TMPRSS9: variants seen among roughly 807,000 people sequenced by gnomAD.
TMPRSS9 encodes the protein transmembrane serine protease 9, also known as transmembrane protease serine 9.
A neutral mutation model predicts 111.4 loss-of-function variants in TMPRSS9; 113 were observed. That is an observed-to-expected ratio of 1.01 (90% confidence interval 0.87 to 1.19). The LOEUF is 1.19. Ranked by LOEUF, TMPRSS9 falls within the 50% of genes most tolerant of loss-of-function variation. TMPRSS9 has a pLI of 0.00. For synonymous variants in TMPRSS9, 805 were observed against 659.1 expected, an observed-to-expected ratio of 1.22 and a Z score of -3.39; for missense variants, 1,803 against 1,513.1, an observed-to-expected ratio of 1.19 and a Z score of -3.18.
At chr19:2,384,866 C>T (rs1970443112), upstream of TMPRSS9, among the ~76,000 whole-genome samples, 1 of 149,390 alleles carries the variant, frequency 6.7e-6, no homozygotes, top group East Asian at 2.0e-4. Context: ...CCTGTAATCC[C>T]AGCTACTCGG....
upstream of TMPRSS9, chr19:2,389,662 C>T (rs1268781318): frequency 1.6e-6 from 2 of 1,239,208 alleles, no homozygotes; most frequent in Non-Finnish European, 2.2e-6. Context: ...GCCACCGCGC[C>T]CCGCCGTTTT....
exon 18 of TMPRSS9, chr19:2,426,033 T>A (rs770372432): frequency 1.2e-6 from 2 of 1,608,982 alleles, no homozygotes; most frequent in Non-Finnish European, 1.7e-6. Context: ...TTCCCAGGTG[T>A]CTATACCCGG....
chr19:2,416,888 T>C, intron 12 of TMPRSS9, 79 bp downstream of exon 13: 1 of 1,482,852 alleles, frequency 6.7e-7, no homozygotes, highest in Non-Finnish European at 9.0e-7. Context: ...TGGGCATCTC[T>C]TACCTGGACC....
exon 6 of TMPRSS9, chr19:2,403,176 G>T (rs1230930151): frequency 5.0e-6 from 8 of 1,610,028 alleles, no homozygotes; most frequent in Non-Finnish European, 6.8e-6. Flanking sequence ...GCTCCGATGG[G>T]TCCGACGAGG....
intron 14 of TMPRSS9, among the ~76,000 whole-genome samples, chr19:2,422,513 G>A (rs1245234306): frequency 6.6e-6 from 1 of 152,186 alleles, no homozygotes; most frequent in Non-Finnish European, 1.5e-5. Flanking sequence ...GCCGGGAGGC[G>A]GAGCTTGCAG....
At chr19:2,403,809 C>T (rs187426050) in intron 6 of TMPRSS9, among the ~76,000 whole-genome samples, 21 of 151,796 alleles carry the variant, frequency 1.4e-4, no homozygotes, top group East Asian at 7.8e-4. Flanking sequence ...GTGGCTAACA[C>T]GGTGAAACCC....
At chr19:2,416,264 A>G in intron 11 of TMPRSS9, 1 of 502,848 alleles carries the variant, frequency 2.0e-6, no homozygotes, top group South Asian at 3.1e-5. Context: ...ATAAAGCTGT[A>G]GGGGGTTGGG....
chr19:2,405,430 G>T (rs760806253), exon 7 of TMPRSS9: 3 of 1,607,804 alleles, frequency 1.9e-6, no homozygotes, highest in African/African-American at 2.7e-5. Context: ...CGGCATGGAA[G>T]CATCCCCGGG....
intron 8 of TMPRSS9, 47 bp downstream of exon 9, chr19:2,408,677 G>A (rs1202797895): frequency 1.3e-6 from 2 of 1,577,034 alleles, no homozygotes; most frequent in Admixed American, 3.4e-5. Flanking sequence ...AGGCAGGCGG[G>A]CAAATAACGC....
Position 2,410,368 on chromosome 19 carries a change from C to G in TMPRSS9, c.1228C>G (p.Leu410Val), listed in dbSNP as rs770704023. Residue 410 changes from leucine (L) to valine (V), a missense_variant, in exon 9 of 18, where the codon CTG becomes GTG. Leu to Val is a conservative substitution (Grantham distance 32, BLOSUM62 1). Transcript: ENST00000648592. ...TGACAGGATGGTGTGCGCTGGCTAC[C>G]TGGACGGGAAGGTGGACTCCTGCCA... 10 of 1,614,020 alleles carry G rather than the reference C, an allele frequency of 6.2e-6. No individual in the cohort carries two copies. The South Asian group carries it at 9.9e-5, about 16-fold the overall frequency.
intron 1 of TMPRSS9, among the ~76,000 whole-genome samples, chr19:2,362,742 G>A (rs1970210910): frequency 6.6e-6 from 1 of 152,110 alleles, no homozygotes; most frequent in South Asian, 2.1e-4. Context: ...ACGTGGTTGT[G>A]TGTGTACTTG....
chr19:2,425,846 A>T (rs956406196), intron 17 of TMPRSS9, 81 bp from the exon 19 acceptor site: 2 of 1,470,184 alleles, frequency 1.4e-6, no homozygotes, highest in African/African-American at 2.9e-5. Context: ...CACTAGGGTC[A>T]CTCCTAGAGG....
At chr19:2,408,725 CCAGCA>C in intron 8 of TMPRSS9, 95 bp downstream of exon 9, 1 of 1,494,894 alleles carries the variant, frequency 6.7e-7, no homozygotes, top group Admixed American at 1.9e-5. Context: ...GCCTGTCATC[CCAGCA>C]CTTTGGGAGG....
upstream of TMPRSS9, among the ~76,000 whole-genome samples, chr19:2,385,215 T>TCG (rs1233797692): frequency 4.1e-5 from 3 of 73,814 alleles, no homozygotes; most frequent in South Asian, 4.8e-4. Context: ...GGGGCGGGGC[T>TCG]CGAGGGGGCG....
chr19:2,418,316 TCCC>T (rs1330544686), intron 13 of TMPRSS9, among the ~76,000 whole-genome samples, 178 bp downstream of exon 14: 3 of 23,918 alleles, frequency 1.3e-4, no homozygotes, highest in African/African-American at 9.0e-4. Context: ...TTTCCCTCCC[TCCC>T]TCCCTCCCTC....
intron 14 of TMPRSS9, among the ~76,000 whole-genome samples, chr19:2,422,537 A>G (rs1459490256): frequency 6.6e-6 from 1 of 152,158 alleles, no homozygotes; most frequent in Non-Finnish European, 1.5e-5. Context: ...GCTGCATGCC[A>G]CTGCACTCCA....
In TMPRSS9 at chr19:2,424,247, TGCTTCGACGTGTGAGTTCCAAAC is replaced by T; in HGVS notation, c.2711_2717+16del. On this transcript the variant is annotated splice_donor_variant and splice_donor_5th_base_variant and coding_sequence_variant and intron_variant, in exon 15 of 18. Transcript: ENST00000648592. LOFTEE classifies it high-confidence loss of function. ...GAGGTGGCTGCTGTCGGCGGCGCAC[TGCTTCGACGTGTGAGTTCCAAAC>T]GCTCCAAATGCCCCTACATGTCTCT... 7.2e-7 allele frequency: 1 copy of T among 1,387,982 alleles called. No individual in the cohort carries two copies. The allele number at this position is 1,387,982 out of a possible 1,614,324, so 86.0% of individuals were successfully genotyped here.
At chr19:2,387,978 A>T (rs1045545033), upstream of TMPRSS9, among the ~76,000 whole-genome samples, 1 of 152,198 alleles carries the variant, frequency 6.6e-6, no homozygotes, top group African/African-American at 2.4e-5. Flanking sequence ...GTAGCTGCAC[A>T]GATGGTGAGG....
chr19:2,368,870 C>T (rs545996616), intron 1 of TMPRSS9, among the ~76,000 whole-genome samples: 174 of 148,262 alleles, frequency 1.2e-3, no homozygotes, highest in Non-Finnish European at 2.1e-3. Flanking sequence ...CTGCAACCTC[C>T]GCCTCCTGGG....
Sources: gnomAD v4.1 joint callset for allele counts (sites outside exome capture counted in the v4.1 genomes callset) on GRCh38, gnomAD v4.1.1 for gene constraint, MANE v1.5 for transcripts, NCBI Gene and HGNC (gene_info 2026-07-23, HGNC 2026-07-21) for gene names.